Variants in IFNAR2 observed in about 807,000 individuals in gnomAD.
The protein encoded by IFNAR2 is interferon alpha and beta receptor subunit 2, also known as interferon alpha/beta receptor 2.
IFNAR2 carries 30 observed loss-of-function variants against 49.4 expected under a neutral mutation model. The ratio of observed to expected loss-of-function variants is 0.61; its 90% CI spans 0.45 to 0.82. The LOEUF is 0.82. Ranked by LOEUF, IFNAR2 falls within the 40% of genes least tolerant of loss-of-function variation. The pLI is 0.00. For missense variants in IFNAR2, 600 were observed against 622.7 expected, an observed-to-expected ratio of 0.96 and a Z score of 0.39; for synonymous variants, 224 against 234.5, an observed-to-expected ratio of 0.96 and a Z score of 0.41.
In IFNAR2 at chr21:33,246,814, T is replaced by G; in HGVS notation, c.318T>G (p.Tyr106Ter). 6.2e-7 allele frequency: 1 copy of G among 1,614,182 alleles called. No individual in the cohort carries two copies. The highest frequency in any genetic ancestry group is 8.5e-7 in the Non-Finnish European group (1 of 1,179,986). ...TDEWRSTHEA[Y>*]VTVLEGFSGN... is the part of the protein sequence containing the mutation. ...AGTGGAGAAGCACACACGAGGCCTA[T>G]GTCACCGTCCTAGAAGGATTCAGCG... is the stretch of plus-strand genomic sequence containing the variant. Residue 106 changes from tyrosine (Y) to a stop codon, truncating the protein, a stop_gained, in exon 5 of 9, where the codon TAT becomes TAG. Transcript: ENST00000342136. LOFTEE classifies it high-confidence loss of function.
At chr21:33,234,882 C>T (rs1250734465) in intron 1 of IFNAR2, 3 of 239,958 alleles carry the variant, frequency 1.3e-5, no homozygotes, top group African/African-American at 2.3e-5. Flanking sequence ...AGGGTGGCTA[C>T]TCCATAGGCA....
At chr21:33,262,685 A>T in intron 8 of IFNAR2, 108 bp from the exon 9 acceptor site, 1 of 1,461,960 alleles carries the variant, frequency 6.8e-7, no homozygotes, top group Non-Finnish European at 9.6e-7. Flanking sequence ...AGCTGGGATT[A>T]CAAGCGTGCA....
Position 33,246,881 on chromosome 21 carries a change from G to C in IFNAR2, c.385G>C (p.Ala129Pro). 1.2e-6 allele frequency: 2 copies of C among 1,613,062 alleles called. No homozygotes were observed. Among genetic ancestry groups the C allele is most frequent in the Non-Finnish European group, 1.7e-6 (2 of 1,179,422 alleles). ...CAGTTGCTCACACAATTTCTGGCTG[G>C]CCATAGACAGTGAGTTTTATCTCTG... is the stretch of plus-strand genomic sequence containing the variant. ...LFSCSHNFWL[A>P]IDMSFEPPEF... The change falls in exon 5 of 9, where the codon GCC (alanine) becomes CCC (proline). Residue 129 changes from alanine (A) to proline (P), a missense_variant. Coordinates refer to ENST00000342136, the MANE Select transcript of IFNAR2 (RefSeq NM_001289125.3).
chr21:33,265,310 G>T lies in IFNAR2; in HGVS notation c.*1810G>T, dbSNP rs997438290. 3.3e-5 allele frequency: 5 copies of T among 152,172 alleles called. No homozygotes were observed. The highest frequency in any genetic ancestry group is 3.3e-4 in the Admixed American group (5 of 15,276). 9.4% of individuals were successfully genotyped at this position (152,172 alleles called of 1,614,324 possible). ...CTCACCCCTGCCCCCCTCAAGAGCTGGTTTCTCAAACCTTTCTCTTAGGCC... is the reference window on the plus strand; with the variant it reads ...CTCACCCCTGCCCCCCTCAAGAGCTTGTTTCTCAAACCTTTCTCTTAGGCC... On this transcript the variant is annotated 3_prime_UTR_variant, in exon 9 of 9. Transcript: ENST00000342136.
At chr21:33,234,183 C>CCG (rs71320292) in intron 1 of IFNAR2, among the ~76,000 whole-genome samples, 1 of 140,714 alleles carries the variant, frequency 7.1e-6, no homozygotes, top group South Asian at 2.4e-4. Flanking sequence ...AACAGAAACA[C>CCG]TGTGTGTGTG....
Position 33,229,950 on chromosome 21 carries a change from G to T in IFNAR2, c.-350G>T, listed in dbSNP as rs1010085176. The T allele has an allele frequency of 6.1e-6, 6 of 983,544 alleles. No individual in the cohort carries two copies. Among genetic ancestry groups the T allele is most frequent in the Non-Finnish European group, 7.2e-6 (6 of 829,384 alleles). 60.9% of individuals were successfully genotyped at this position (983,544 alleles called of 1,614,324 possible). ...CGCCCGCGCTTCCGTATCGCTCCTCGTAGGCCGGGGCTCGGCGCGCGCACC... is the reference window on the plus strand; with the variant it reads ...CGCCCGCGCTTCCGTATCGCTCCTCTTAGGCCGGGGCTCGGCGCGCGCACC... On this transcript the variant is annotated 5_prime_UTR_variant, in exon 1 of 9. Transcript: ENST00000342136.
intron 1 of IFNAR2, chr21:33,233,054 T>C: frequency 2.0e-6 from 1 of 493,588 alleles, no homozygotes; most frequent in Non-Finnish European, 2.6e-6. Context: ...TTGATAAAAA[T>C]ATAAATCCAA....
In IFNAR2 at chr21:33,230,369, T is replaced by G. The variant is rs977046601; in HGVS notation, c.-84+153T>G. 34 of 628,546 alleles carry G rather than the reference T, an allele frequency of 5.4e-5. No individual in the cohort carries two copies. In the African/African-American group the frequency reaches 6.1e-4, roughly 11 times the overall value. 38.9% of individuals were successfully genotyped at this position (628,546 alleles called of 1,614,324 possible). ...CTCCTCCTGCCCTCCCTCTGCGTCT[T>G]GAGTATGCGGCTAGTGCGCCCTTCC... On this transcript the variant is annotated intron_variant, in intron 1 of 8. Coordinates refer to ENST00000342136, the MANE Select transcript of IFNAR2 (RefSeq NM_001289125.3). The surrounding 1 kb of genome is among the most constrained non-coding windows in gnomAD (Gnocchi z 5.5).
chr21:33,235,078 G>T (rs184478557), intron 1 of IFNAR2, among the ~76,000 whole-genome samples: 61 of 152,290 alleles, frequency 4.0e-4, no homozygotes, highest in African/African-American at 1.3e-3. Flanking sequence ...GTAAACTGTG[G>T]TGGCACTGGT....
chr21:33,242,715 C>CTTT (rs140835879), intron 2 of IFNAR2, among the ~76,000 whole-genome samples: 1 of 83,582 alleles, frequency 1.2e-5, no homozygotes, highest in Non-Finnish European at 2.3e-5. Context: ...CCTGACAGAG[C>CTTT]AAGACTCTGT....
rs1986317278 is a variant in IFNAR2 at position 33,234,694 on chromosome 21, C to G, written c.-84+4478C>G. The G allele has an allele frequency of 4.1e-6, 4 of 968,992 alleles. No individual in the cohort carries two copies. In the South Asian group the frequency reaches 1.9e-4, roughly 46 times the overall value. The allele number at this position is 968,992 out of a possible 1,614,324, so 60.0% of individuals were successfully genotyped here. On this transcript the variant is annotated intron_variant, in intron 1 of 8. Coordinates refer to ENST00000342136, the MANE Select transcript of IFNAR2 (RefSeq NM_001289125.3). ...GTTTGTCTGGTCTCAGGGTGAATAG[C>G]AGGTAGAGCTCTTCTTTCAGAATGG... is the stretch of plus-strand genomic sequence containing the variant.
rs1475003822 is a variant in IFNAR2 at position 33,263,289 on chromosome 21, C to G, written c.1337C>G (p.Pro446Arg). 1 of 1,614,154 alleles carries G rather than the reference C, an allele frequency of 6.2e-7. No individual in the cohort carries two copies. The highest frequency in any genetic ancestry group is 8.5e-7 in the Non-Finnish European group (1 of 1,180,014). The stretch of plus-strand genomic sequence containing the variant: ...GAGGACAGTGACGACTTAGAAGCCC[C>G]TCTGATGCTATCGTCTCATCTGGAA... ...DDEDSDDLEA[P>R]LMLSSHLEEM... The change falls in exon 9 of 9, where the codon CCT becomes CGT. Residue 446 changes from proline to arginine, a missense_variant. Coordinates refer to ENST00000342136, the MANE Select transcript of IFNAR2 (RefSeq NM_001289125.3).
intron 1 of IFNAR2, among the ~76,000 whole-genome samples, chr21:33,239,074 G>C (rs758391807): frequency 6.6e-6 from 1 of 152,248 alleles, no homozygotes. Flanking sequence ...ATAGCCCCGC[G>C]GGTGGTCAGT....
rs145087122 is a variant in IFNAR2, at chr21:33,263,426, G to A, written c.1474G>A (p.Glu492Lys). The change falls in exon 9 of 9, where the codon GAA becomes AAA. Residue 492 changes from glutamate (E) to lysine (K), a missense_variant. Physicochemically the swap from Glu to Lys is moderately conservative, Grantham distance 56 (BLOSUM62 1). Transcript: ENST00000342136. ...CCCCTCTTCAGAGGGCCTGTGGTCCGAAGATGCTCCATCTGATCAAAGTGA... is the reference window on the plus strand; with the variant it reads ...CCCCTCTTCAGAGGGCCTGTGGTCCAAAGATGCTCCATCTGATCAAAGTGA... The part of the protein sequence containing the change: ...PSPSSEGLWS[E>K]DAPSDQSDTS... The A allele has an allele frequency of 1.2e-4, 197 of 1,613,922 alleles. No individual in the cohort carries two copies. Among genetic ancestry groups the A allele is most frequent in the Admixed American group, 4.7e-4 (28 of 60,002 alleles).
chr21:33,242,221 C>T (rs998674809), intron 2 of IFNAR2, among the ~76,000 whole-genome samples: 9 of 152,222 alleles, frequency 5.9e-5, no homozygotes, highest in African/African-American at 1.9e-4. Flanking sequence ...CAATAATAAT[C>T]AGGACTATCC....
At chr21:33,248,613 A>AT in intron 5 of IFNAR2, 96 bp from the exon 6 acceptor site, 1 of 1,197,704 alleles carries the variant, frequency 8.3e-7, no homozygotes, top group Non-Finnish European at 1.1e-6. Context: ...GACTTGGCAG[A>AT]TTTTCTATAC....
intron 1 of IFNAR2, among the ~76,000 whole-genome samples, chr21:33,240,688 TA>T (rs1235070187): frequency 6.6e-6 from 1 of 151,984 alleles, no homozygotes; most frequent in African/African-American, 2.4e-5. Context: ...TGATGACACA[TA>T]CCTGTAGTCT....
In IFNAR2 at chr21:33,245,043, A is replaced by C; in HGVS notation, c.190A>C (p.Thr64Pro). The change falls in exon 4 of 9, where the codon ACT becomes CCT. Residue 64 changes from threonine (T) to proline (P), a missense_variant. Coordinates refer to ENST00000342136, the MANE Select transcript of IFNAR2 (RefSeq NM_001289125.3). The stretch of plus-strand genomic sequence containing the variant: ...ATTAAAAAACCACTCCATTGTACCA[A>C]CTCACTATACATTGCTGTATACAAT... ...WELKNHSIVP[T>P]HYTLLYTIMS... 2 of 1,610,374 alleles carry C rather than the reference A, an allele frequency of 1.2e-6. No individual in the cohort carries two copies. Among genetic ancestry groups the C allele is most frequent in the Non-Finnish European group, 1.7e-6 (2 of 1,176,702 alleles).
intron 4 of IFNAR2, among the ~76,000 whole-genome samples, chr21:33,245,305 G>A (rs1378335538): frequency 6.6e-6 from 1 of 152,208 alleles, no homozygotes; most frequent in Non-Finnish European, 1.5e-5. Flanking sequence ...GACAAAGCTT[G>A]TATGTGTCAT....
Sources: gnomAD v4.1 joint callset for allele counts (sites outside exome capture counted in the v4.1 genomes callset) on GRCh38, gnomAD v4.1.1 for gene constraint, Gnocchi (gnomAD v3.1) non-coding constraint, MANE v1.5 for transcripts, NCBI Gene and HGNC (gene_info 2026-07-23, HGNC 2026-07-21) for gene names.